Variants in SLC35D4 observed in about 807,000 individuals in gnomAD.
SLC35D4 encodes the protein UDP-N-acetylglucosamine transporter SLC35D4.
the SLC35D4 span, among the ~76,000 whole-genome samples, chr18:23,366,888 A>G: frequency 6.6e-6 from 1 of 152,206 alleles, no homozygotes; most frequent in Non-Finnish European, 1.5e-5. Context: ...GTAGGTTTAT[A>G]AGACAGGGCT....
At chr18:23,240,451 C>T in the SLC35D4 span, among the ~76,000 whole-genome samples, 9 of 152,366 alleles carry the variant, frequency 5.9e-5, no homozygotes, top group South Asian at 1.4e-3. Flanking sequence ...AGGGAGCTGC[C>T]GCTGAAACAG....
the SLC35D4 span, among the ~76,000 whole-genome samples, chr18:23,293,959 A>G: frequency 6.6e-6 from 1 of 151,732 alleles, no homozygotes; most frequent in African/African-American, 2.4e-5. Context: ...TGCCTGGCTA[A>G]TTTTTATTTT....
At chr18:23,343,842 C>T in the SLC35D4 span, among the ~76,000 whole-genome samples, 12 of 151,530 alleles carry the variant, frequency 7.9e-5, no homozygotes, top group East Asian at 7.7e-4. Context: ...TATGTTGTTT[C>T]GCTTGGGATA....
chr18:23,257,319 C>A, the SLC35D4 span: 1 of 1,613,932 alleles, frequency 6.2e-7, no homozygotes, highest in Non-Finnish European at 8.5e-7. Flanking sequence ...TCCACTTGCC[C>A]GAGCACGAAG....
At chr18:23,287,977 C>A in the SLC35D4 span, among the ~76,000 whole-genome samples, 1 of 152,220 alleles carries the variant, frequency 6.6e-6, no homozygotes, top group African/African-American at 2.4e-5. Flanking sequence ...TCACCCTCTA[C>A]AGCTCTCATA....
chr18:23,246,133 G>A, the SLC35D4 span, among the ~76,000 whole-genome samples: 4 of 152,048 alleles, frequency 2.6e-5, no homozygotes, highest in African/African-American at 4.8e-5. Flanking sequence ...GTGTGGTGGT[G>A]CACACCTGTT....
the SLC35D4 span, among the ~76,000 whole-genome samples, chr18:23,311,007 C>A: frequency 6.6e-6 from 1 of 152,012 alleles, no homozygotes; most frequent in Non-Finnish European, 1.5e-5. Context: ...AAAGAGATTT[C>A]TCTAAGTGGA....
the SLC35D4 span, among the ~76,000 whole-genome samples, chr18:23,400,757 G>T: frequency 1.3e-5 from 2 of 152,280 alleles, no homozygotes; most frequent in Non-Finnish European, 2.9e-5. Flanking sequence ...TCAATGAACT[G>T]ATCTCCTGGA....
chr18:23,377,610 T>C, the SLC35D4 span: 3 of 1,565,726 alleles, frequency 1.9e-6, no homozygotes, highest in Non-Finnish European at 2.6e-6. Context: ...TTAAATCTTA[T>C]ATTATGGCTT....
At chr18:23,248,512 C>CTTTTTTTTTTTTTTTTTTT in the SLC35D4 span, among the ~76,000 whole-genome samples, 3 of 90,714 alleles carry the variant, frequency 3.3e-5, no homozygotes, top group Non-Finnish European at 6.4e-5. Context: ...GACCCTATGT[C>CTTTTTTTTTTTTTTTTTTT]TTTTTTTTTT....
chr18:23,380,970 A>G, the SLC35D4 span, among the ~76,000 whole-genome samples: 1 of 152,338 alleles, frequency 6.6e-6, no homozygotes, highest in South Asian at 2.1e-4. Flanking sequence ...CATAGTAGAC[A>G]AAATAGCCCT....
the SLC35D4 span, among the ~76,000 whole-genome samples, chr18:23,431,967 T>G: frequency 6.6e-6 from 1 of 152,206 alleles, no homozygotes; most frequent in African/African-American, 2.4e-5. Context: ...TCCCAGGGAT[T>G]AGTCCACACA....
At chr18:23,399,781 AG>A in the SLC35D4 span, 4 of 750,738 alleles carry the variant, frequency 5.3e-6, no homozygotes, top group African/African-American at 5.2e-5. Flanking sequence ...AGACTTGTTA[AG>A]TGAGATGTAG....
the SLC35D4 span, chr18:23,437,850 C>A: frequency 6.2e-7 from 1 of 1,612,646 alleles, no homozygotes; most frequent in Non-Finnish European, 8.5e-7. Context: ...TCCTCACGCA[C>A]ATCTGTCAAC....
chr18:23,246,631 TCCG>T, the SLC35D4 span, among the ~76,000 whole-genome samples: 3 of 151,606 alleles, frequency 2.0e-5, no homozygotes, highest in South Asian at 2.1e-4. Context: ...GACCTTGTGA[TCCG>T]CCCACCTTGG....
the SLC35D4 span, among the ~76,000 whole-genome samples, chr18:23,280,929 C>A: frequency 1.3e-5 from 2 of 152,092 alleles, no homozygotes; most frequent in African/African-American, 4.8e-5. Context: ...CCATGCCCTG[C>A]GTGGAGGACT....
chr18:23,369,343 TGGAGGCCA>T, the SLC35D4 span, among the ~76,000 whole-genome samples: 1 of 152,200 alleles, frequency 6.6e-6, no homozygotes, highest in Non-Finnish European at 1.5e-5. Flanking sequence ...CCCCAAAACC[TGGAGGCCA>T]GCTGGCCAGT....
chr18:23,344,880 G>A, the SLC35D4 span, among the ~76,000 whole-genome samples: 575 of 152,142 alleles, frequency 3.8e-3, 6 homozygotes, highest in African/African-American at 0.013. Context: ...GATTATAGGC[G>A]TGAGCCACAG....
At chr18:23,243,618 A>AT in the SLC35D4 span, among the ~76,000 whole-genome samples, 3 of 151,924 alleles carry the variant, frequency 2.0e-5, no homozygotes, top group Non-Finnish European at 4.4e-5. Flanking sequence ...CATGCCTGTA[A>AT]TCCCAGCACT....
Sources: gnomAD v4.1 joint callset for allele counts (sites outside exome capture counted in the v4.1 genomes callset) on GRCh38, gnomAD v4.1.1 for gene constraint, MANE v1.5 for transcripts, NCBI Gene and HGNC (gene_info 2026-07-23, HGNC 2026-07-21) for gene names.